The following RTTN variants were observed in gnomAD, a reference collection of about 807,000 sequenced individuals.
RTTN encodes the protein rotatin.
A neutral mutation model predicts 269.2 loss-of-function variants in RTTN; 182 were observed. The observed-to-expected ratio is 0.68, with a 90% confidence interval of 0.60 to 0.76. RTTN has a LOEUF of 0.76. RTTN is among the 30% of genes least tolerant of loss of function. RTTN has a pLI of 0.00. For missense variants in RTTN, 2,545 were observed against 2,608.6 expected, an observed-to-expected ratio of 0.98 and a Z score of 0.53; for synonymous variants, 1,006 against 963.5, an observed-to-expected ratio of 1.04 and a Z score of -0.82.
chr18:70,115,741 C>T (rs1164096987), intron 26 of RTTN, among the ~76,000 whole-genome samples: 1 of 151,822 alleles, frequency 6.6e-6, no homozygotes, highest in Non-Finnish European at 1.5e-5. Flanking sequence ...TAAAAACATA[C>T]AAAAAGAGAT....
intron 46 of RTTN, among the ~76,000 whole-genome samples, chr18:70,012,594 C>A (rs946159415): frequency 5.9e-5 from 9 of 151,348 alleles, no homozygotes; most frequent in African/African-American, 1.7e-4. Flanking sequence ...CGTCTGCTCA[C>A]TGGTATTGGT....
chr18:70,109,044 G>A (rs1362581574), intron 28 of RTTN, among the ~76,000 whole-genome samples: 4 of 152,128 alleles, frequency 2.6e-5, no homozygotes, highest in Non-Finnish European at 5.9e-5. Context: ...AGATAAGAAT[G>A]TTCATAGCAG....
chr18:70,148,795 C>A (rs2060461976), intron 17 of RTTN, 106 bp downstream of exon 17: 1 of 1,347,914 alleles, frequency 7.4e-7, no homozygotes, highest in East Asian at 2.4e-5. Flanking sequence ...GGAATAACAC[C>A]CTCCTTAAAA....
In RTTN at chr18:70,054,239, G is replaced by GC; in HGVS notation, c.5076dup (p.Gln1693AlafsTer9). 6.2e-7 allele frequency: 1 copy of GC among 1,613,904 alleles called. No individual in the cohort carries two copies. Among genetic ancestry groups the GC allele is most frequent in the Non-Finnish European group, 8.5e-7 (1 of 1,179,872 alleles). Reference sequence around the variant, plus strand: ...TCAGGCTCCACCAATAAACATGACTGCAGAAGCCTGGACAAAGAGGATAGG... The same window carrying GC: ...TCAGGCTCCACCAATAAACATGACTGCCAGAAGCCTGGACAAAGAGGATAGG... On this transcript the variant is annotated frameshift_variant, in exon 38 of 49. Coordinates refer to ENST00000640769, the MANE Select transcript of RTTN (RefSeq NM_173630.4). LOFTEE classifies it high-confidence loss of function.
At chr18:70,149,595 A>T (rs117212737) in intron 16 of RTTN, among the ~76,000 whole-genome samples, 10 of 151,294 alleles carry the variant, frequency 6.6e-5, no homozygotes, top group Non-Finnish European at 1.2e-4. Context: ...GTATCACTCT[A>T]ATCATACATA....
At chr18:70,069,843 T>C (rs1465877788) in intron 34 of RTTN, among the ~76,000 whole-genome samples, 1 of 152,134 alleles carries the variant, frequency 6.6e-6, no homozygotes, top group Admixed American at 6.5e-5. Context: ...AGTACAAGTC[T>C]AGCCACATTT....
chr18:70,118,021 T>G (rs1301991274), intron 26 of RTTN, among the ~76,000 whole-genome samples: 1 of 151,384 alleles, frequency 6.6e-6, no homozygotes, highest in Non-Finnish European at 1.5e-5. Context: ...TAAACATCTA[T>G]GTCAAAAAGA....
rs186790159 is a variant in RTTN at position 70,128,836 on chromosome 18, A to G, written c.2955-290T>C. The G allele has an allele frequency of 3.8e-4, 99 of 258,220 alleles. No individual in the cohort carries two copies. The East Asian group carries it at 3.9e-3, about 10-fold the overall frequency. The allele number at this position is 258,220 out of a possible 1,614,324, so 16.0% of individuals were successfully genotyped here. A position where few individuals can be genotyped will look rare whatever the true frequency, so the allele number is the denominator to read the frequency against. ...CTAATGCTCCTTGAAGTCAGGGACC[A>G]TGAATACAGTGAACCAAACATAAAA... On this transcript the variant is annotated intron_variant, in intron 23 of 48. Transcript: ENST00000640769.
chr18:70,039,434 A>G (rs571592489), intron 40 of RTTN, among the ~76,000 whole-genome samples: 1 of 152,222 alleles, frequency 6.6e-6, no homozygotes, highest in Non-Finnish European at 1.5e-5. Flanking sequence ...ACAACAAAAA[A>G]ACTTTACCCT....
intron 27 of RTTN, among the ~76,000 whole-genome samples, chr18:70,112,820 A>G (rs753879296): frequency 3.3e-5 from 5 of 152,196 alleles, no homozygotes; most frequent in Non-Finnish European, 7.3e-5. Context: ...AGCGGACCTA[A>G]TAGGCATCTA....
chr18:70,128,576 A>T (rs1194643253), intron 23 of RTTN, 30 bp from the exon 24 acceptor site: 1 of 1,586,856 alleles, frequency 6.3e-7, no homozygotes, highest in Non-Finnish European at 8.6e-7. Flanking sequence ...ATAATTACAA[A>T]CTTTCAAATT....
chr18:70,135,754 A>G (rs757280804), intron 21 of RTTN, among the ~76,000 whole-genome samples: 3 of 152,162 alleles, frequency 2.0e-5, no homozygotes, highest in African/African-American at 7.2e-5. Context: ...TTAAAATGTT[A>G]TCCTTGGGCT....
chr18:70,035,929 T>C (rs946707431), intron 40 of RTTN, among the ~76,000 whole-genome samples: 12 of 152,046 alleles, frequency 7.9e-5, no homozygotes, highest in East Asian at 1.9e-4. Context: ...GACATACACA[T>C]TGCCAACAAG....
intron 11 of RTTN, among the ~76,000 whole-genome samples, chr18:70,175,127 A>C (rs928838040): frequency 6.6e-6 from 1 of 151,640 alleles, no homozygotes; most frequent in African/African-American, 2.4e-5. Flanking sequence ...AAAAAGCCTC[A>C]AAACTAACTT....
intron 46 of RTTN, 28 bp from the exon 47 acceptor site, chr18:70,006,512 G>A (rs2056192162): frequency 1.3e-6 from 2 of 1,546,844 alleles, no homozygotes; most frequent in East Asian, 4.5e-5. Flanking sequence ...TTTTTTAAAA[G>A]TTCAGTCCCA....
intron 26 of RTTN, among the ~76,000 whole-genome samples, chr18:70,118,828 C>A (rs370339535): frequency 1.3e-4 from 20 of 152,062 alleles, no homozygotes; most frequent in East Asian, 7.7e-4. Context: ...GAATTAAGAA[C>A]AAAAACCACA....
intron 47 of RTTN, chr18:70,006,166 T>C: frequency 2.3e-6 from 1 of 442,568 alleles, no homozygotes; most frequent in South Asian, 5.4e-5. Context: ...GAGATTCTCT[T>C]CTAAACTGAG....
At position 70,176,680 on chromosome 18, in the gene RTTN, C is replaced by G. The variant is rs2061309848; in HGVS notation, c.1471G>C (p.Glu491Gln). 6 of 1,612,418 alleles carry G rather than the reference C, an allele frequency of 3.7e-6. No individual in the cohort carries two copies. The highest frequency in any genetic ancestry group is 3.3e-5 in the Admixed American group (2 of 59,810). The change falls in exon 11 of 49, where the codon GAA (glutamate) becomes CAA (glutamine). Residue 491 changes from glutamate to glutamine, a missense_variant. Coordinates refer to ENST00000640769, the MANE Select transcript of RTTN (RefSeq NM_173630.4). ...VRLLQTLLPVEKASEFLSEPM... is the reference protein window; with the variant it reads ...VRLLQTLLPVQKASEFLSEPM... ...AGCAGCATTGCCTGCCTTACCTTTT[C>G]AACAGGGAGAAGCGTTTGTAGCAGT...
At chr18:70,139,937 A>G in intron 20 of RTTN, 163 bp downstream of exon 20, 1 of 645,844 alleles carries the variant, frequency 1.5e-6, no homozygotes, top group Non-Finnish European at 2.7e-6. Flanking sequence ...TTTCCTTTAT[A>G]GAGACTCCAC....
Sources: gnomAD v4.1 joint callset for allele counts (sites outside exome capture counted in the v4.1 genomes callset) on GRCh38, gnomAD v4.1.1 for gene constraint, MANE v1.5 for transcripts, NCBI Gene and HGNC (gene_info 2026-07-23, HGNC 2026-07-21) for gene names.